The following FIRRM variants were observed in gnomAD, a reference collection of about 807,000 sequenced individuals.
FIRRM encodes FIGNL1-interacting regulator of recombination and mitosis.
chr1:169,852,415 A>C, the FIRRM span: 2 of 267,802 alleles, frequency 7.5e-6, no homozygotes, highest in African/African-American at 2.2e-5. Flanking sequence ...GTATAGTAGT[A>C]ATTCATGAAG....
the FIRRM span, chr1:169,850,224 T>A: frequency 7.4e-7 from 1 of 1,350,598 alleles, no homozygotes; most frequent in Non-Finnish European, 1.1e-6. Flanking sequence ...TGCAAGTTGT[T>A]GAAATGTTAA....
the FIRRM span, among the ~76,000 whole-genome samples, chr1:169,833,893 A>G: frequency 1.1e-5 from 1 of 87,966 alleles, no homozygotes; most frequent in South Asian, 3.9e-4. Context: ...GGGTCTGGTT[A>G]TGTTGCCCAG....
the FIRRM span, chr1:169,792,811 G>A: frequency 1.9e-6 from 3 of 1,613,136 alleles, no homozygotes; most frequent in East Asian, 2.2e-5. Flanking sequence ...GGTTGTAAAT[G>A]GTTTCTGAGG....
chr1:169,813,078 T>A, the FIRRM span, among the ~76,000 whole-genome samples: 1 of 152,228 alleles, frequency 6.6e-6, no homozygotes, highest in South Asian at 2.1e-4. Flanking sequence ...GTTATTTTCA[T>A]ATGAAATAAT....
At chr1:169,798,987 G>A in the FIRRM span, 1 of 956,884 alleles carries the variant, frequency 1.0e-6, no homozygotes, top group South Asian at 1.6e-5. Context: ...ACTGTATGAT[G>A]TACTTTGATG....
At chr1:169,817,394 A>AT in the FIRRM span, among the ~76,000 whole-genome samples, 1 of 152,248 alleles carries the variant, frequency 6.6e-6, no homozygotes, top group African/African-American at 2.4e-5. Context: ...TGTTAAAGCC[A>AT]TAATTGACTG....
the FIRRM span, chr1:169,827,296 T>G: frequency 9.7e-7 from 1 of 1,035,246 alleles, no homozygotes; most frequent in Non-Finnish European, 1.4e-6. Flanking sequence ...TAAGAAATTT[T>G]TATTAAGTTT....
chr1:169,830,482 T>A, the FIRRM span: 1 of 894,366 alleles, frequency 1.1e-6, no homozygotes, highest in East Asian at 2.5e-5. Context: ...GATTTCATAT[T>A]ACAGCATTAA....
At chr1:169,842,419 C>T in the FIRRM span, 1 of 1,613,228 alleles carries the variant, frequency 6.2e-7, no homozygotes, top group Non-Finnish European at 8.5e-7. Flanking sequence ...TCCTTCAGAA[C>T]ACAGTACTGT....
At chr1:169,834,158 A>C in the FIRRM span, among the ~76,000 whole-genome samples, 1 of 152,150 alleles carries the variant, frequency 6.6e-6, no homozygotes, top group African/African-American at 2.4e-5. Context: ...TTATGCCTAG[A>C]GATCTCTTAC....
At chr1:169,793,842 T>A in the FIRRM span, 53 of 597,814 alleles carry the variant, frequency 8.9e-5, 1 homozygote, top group South Asian at 1.7e-3. Context: ...TAACAAATAT[T>A]TAGAGATATT....
At chr1:169,852,692 C>G in the FIRRM span, 1 of 1,249,476 alleles carries the variant, frequency 8.0e-7, no homozygotes, top group Non-Finnish European at 1.1e-6. Flanking sequence ...GATCCAATGA[C>G]TAGAATAAAA....
At chr1:169,830,336 T>C in the FIRRM span, 1 of 1,613,708 alleles carries the variant, frequency 6.2e-7, no homozygotes, top group Non-Finnish European at 8.5e-7. Context: ...GGTGCTTCCT[T>C]GCTCGGTACA....
At chr1:169,794,189 G>A in the FIRRM span, among the ~76,000 whole-genome samples, 33 of 152,292 alleles carry the variant, frequency 2.2e-4, no homozygotes, top group Admixed American at 3.9e-4. Flanking sequence ...TATTCAGACA[G>A]GACAGCCTAG....
At chr1:169,851,760 T>G in the FIRRM span, 1 of 1,572,334 alleles carries the variant, frequency 6.4e-7, no homozygotes, top group Admixed American at 1.9e-5. Context: ...GGCCATTTCA[T>G]ATCTAGTAGA....
the FIRRM span, chr1:169,847,623 G>A: frequency 8.9e-7 from 1 of 1,121,520 alleles, no homozygotes; most frequent in African/African-American, 1.6e-5. Flanking sequence ...CAAATCTTAG[G>A]CAGTTATTGT....
At chr1:169,804,111 GT>G in the FIRRM span, 1 of 1,547,212 alleles carries the variant, frequency 6.5e-7, no homozygotes, top group Non-Finnish European at 8.7e-7. Context: ...TTTACACCTA[GT>G]TTCAGACCTT....
At chr1:169,809,421 C>T in the FIRRM span, among the ~76,000 whole-genome samples, 1 of 152,184 alleles carries the variant, frequency 6.6e-6, no homozygotes, top group African/African-American at 2.4e-5. Flanking sequence ...ACACCAACCT[C>T]CTCCTTTTTC....
At chr1:169,830,718 G>A in the FIRRM span, 3 of 1,613,726 alleles carry the variant, frequency 1.9e-6, no homozygotes, top group African/African-American at 4.0e-5. Context: ...TGAACTGTGT[G>A]CACACCATGT....
Sources: allele counts gnomAD v4.1 joint callset (sites outside exome capture counted in the v4.1 genomes callset), GRCh38; gene constraint gnomAD v4.1.1; transcripts MANE v1.5; gene names NCBI Gene and HGNC (gene_info 2026-07-23, HGNC 2026-07-21).